Variants in SDHD observed in about 807,000 individuals in gnomAD.
The protein encoded by SDHD is succinate dehydrogenase [ubiquinone] cytochrome b small subunit, mitochondrial.
A neutral mutation model predicts 18.7 loss-of-function variants in SDHD; 6 were observed. The ratio of observed to expected loss-of-function variants is 0.32; its 90% CI spans 0.18 to 0.63. The LOEUF is 0.63. Ranked by LOEUF, SDHD falls within the 30% of genes least tolerant of loss-of-function variation. The pLI is 0.79. For missense variants in SDHD, 160 were observed against 192.7 expected (o/e 0.83, Z 1.00); for synonymous variants, 56 against 73.9 (o/e 0.76, Z 1.24).
intron 3 of SDHD, among the ~76,000 whole-genome samples, chr11:112,091,839 C>T (rs1206413391): frequency 3.3e-5 from 5 of 152,150 alleles, no homozygotes; most frequent in East Asian, 1.9e-4. Flanking sequence ...GAGGCCGAGG[C>T]GGGCGGATCA....
intron 1 of SDHD, among the ~76,000 whole-genome samples, chr11:112,087,436 A>G (rs1192734934): frequency 6.6e-6 from 1 of 152,212 alleles, no homozygotes; most frequent in Admixed American, 6.5e-5. Context: ...AAGAAAACGT[A>G]GTTCCCGCCC....
intron 3 of SDHD, 91 bp from the exon 4 acceptor site, chr11:112,094,714 C>G: frequency 8.5e-7 from 1 of 1,178,908 alleles, no homozygotes; most frequent in Non-Finnish European, 1.2e-6. Flanking sequence ...TTGAACTTGA[C>G]AGATTGTTTT....
At chr11:112,092,751 G>A (rs79680148) in intron 3 of SDHD, among the ~76,000 whole-genome samples, 3,952 of 152,216 alleles carry the variant, frequency 0.026, 175 homozygotes, top group African/African-American at 0.09. Flanking sequence ...ATCTGACTCG[G>A]CGATCTACTT....
Position 112,089,137 on chromosome 11 carries a change from T to C in SDHD, c.314+126T>C, listed in dbSNP as rs1865697858. Reference sequence around the variant, plus strand: ...AATTTGTTGAAAACTTTAAAATATATATAAAATATGTATATGCCTAGATTT... The same window carrying C: ...AATTTGTTGAAAACTTTAAAATATACATAAAATATGTATATGCCTAGATTT... On this transcript the variant is annotated intron_variant, in intron 3 of 3. Transcript: ENST00000375549. The C allele has an allele frequency of 3.7e-5, 34 of 913,188 alleles. No individual in the cohort carries two copies. In the South Asian group the frequency reaches 4.6e-4, roughly 12 times the overall value. 56.6% of individuals were successfully genotyped at this position (913,188 alleles called of 1,614,324 possible).
At chr11:112,093,100 T>C (rs759291000) in intron 3 of SDHD, 2 of 353,754 alleles carry the variant, frequency 5.7e-6, no homozygotes, top group Non-Finnish European at 1.1e-5. Context: ...AATGGTGCGA[T>C]CTTGGCTCGG....
chr11:112,093,342 A>G (rs542340873), intron 3 of SDHD: 11 of 191,336 alleles, frequency 5.7e-5, no homozygotes, highest in South Asian at 3.8e-4. Flanking sequence ...CTGGGATTAC[A>G]GGTGTGAGCC....
rs764099538 is a variant in SDHD, at chr11:112,094,934, C to A, written c.444C>A (p.Gly148=). The stretch of plus-strand genomic sequence containing the variant: ...GCTATTTCAACTATCACGATGTGGG[C>A]ATCTGCAAAGCTGTTGCCATGCTGT... ...GLCYFNYHDV[G]ICKAVAMLWK... is the part of the protein sequence containing the mutation. Residue 148 remains glycine (G), a synonymous_variant, in exon 4 of 4, where the codon GGC becomes GGA. Coordinates refer to ENST00000375549, the MANE Select transcript of SDHD (RefSeq NM_003002.4). 3.7e-6 allele frequency: 6 copies of A among 1,611,258 alleles called. No homozygotes were observed. Among genetic ancestry groups the A allele is most frequent in the Non-Finnish European group, 5.1e-6 (6 of 1,179,132 alleles).
chr11:112,091,229 T>A, intron 3 of SDHD: 2 of 339,710 alleles, frequency 5.9e-6, no homozygotes, highest in Non-Finnish European at 8.3e-6. Flanking sequence ...CCTGTATTAA[T>A]TGGGGTCTTA....
chr11:112,095,529 A>C lies in SDHD; in HGVS notation c.*559A>C. The C allele has an allele frequency of 4.3e-6, 1 of 235,220 alleles. No individual in the cohort carries two copies. The allele number at this position is 235,220 out of a possible 1,614,324, so 14.6% of individuals were successfully genotyped here. A position where few individuals can be genotyped will look rare whatever the true frequency, so the allele number is the denominator to read the frequency against. ...TATAAATTTCTAAATCCTAGGAAGA[A>C]ACGCTTGGAGTGCTTCTGAATATAC... On this transcript the variant is annotated 3_prime_UTR_variant, in exon 4 of 4. Coordinates refer to ENST00000375549, the MANE Select transcript of SDHD (RefSeq NM_003002.4).
intron 2 of SDHD, chr11:112,088,508 G>T (rs1265679754): frequency 5.5e-6 from 2 of 362,266 alleles, no homozygotes; most frequent in South Asian, 2.2e-5. Flanking sequence ...GAGCCACCAC[G>T]CCTGGACCAC....
At chr11:112,091,793 A>C (rs1327699353) in intron 3 of SDHD, among the ~76,000 whole-genome samples, 1 of 152,168 alleles carries the variant, frequency 6.6e-6, no homozygotes, top group Non-Finnish European at 1.5e-5. Context: ...TGAATCGGCC[A>C]GGCGTGGTCT....
At chr11:112,091,449 G>A (rs1865744540) in intron 3 of SDHD, among the ~76,000 whole-genome samples, 1 of 152,072 alleles carries the variant, frequency 6.6e-6, no homozygotes, top group South Asian at 2.1e-4. Flanking sequence ...GTCTGACCTC[G>A]AGATGACAAA....
chr11:112,091,229 T>C (rs1297052214), intron 3 of SDHD: 2 of 339,592 alleles, frequency 5.9e-6, no homozygotes, highest in Non-Finnish European at 8.3e-6. Flanking sequence ...CCTGTATTAA[T>C]TGGGGTCTTA....
intron 1 of SDHD, 68 bp downstream of exon 1, chr11:112,087,027 A>C: frequency 6.4e-7 from 1 of 1,560,940 alleles, no homozygotes; most frequent in Non-Finnish European, 8.8e-7. Flanking sequence ...GGAAGTGAGG[A>C]CTCATCTGCC....
chr11:112,090,709 T>A (rs1865729846), intron 3 of SDHD, among the ~76,000 whole-genome samples: 1 of 152,086 alleles, frequency 6.6e-6, no homozygotes, highest in African/African-American at 2.4e-5. Flanking sequence ...TTTTTTCTTT[T>A]TTTTTTGGGA....
chr11:112,090,145 T>C (rs1865717005), intron 3 of SDHD, among the ~76,000 whole-genome samples: 2 of 152,200 alleles, frequency 1.3e-5, no homozygotes, highest in African/African-American at 2.4e-5. Context: ...TCTCGCTCTG[T>C]TGCCCAGGCT....
intron 3 of SDHD, among the ~76,000 whole-genome samples, chr11:112,090,788 T>A (rs1770409269): frequency 6.6e-6 from 1 of 151,666 alleles, no homozygotes; most frequent in Non-Finnish European, 1.5e-5. Context: ...CTCTGCCTCC[T>A]GGGTTCAAGC....
chr11:112,088,232 C>T, intron 2 of SDHD: 1 of 456,612 alleles, frequency 2.2e-6, no homozygotes, highest in Admixed American at 3.4e-5. Flanking sequence ...CAGAGTCTCG[C>T]TCTGTTATGC....
At chr11:112,092,560 C>T (rs899894780) in intron 3 of SDHD, among the ~76,000 whole-genome samples, 3 of 152,164 alleles carry the variant, frequency 2.0e-5, no homozygotes, top group African/African-American at 7.2e-5. Context: ...AAATCAACAC[C>T]ACAATGAGAT....
Sources: gnomAD v4.1 joint callset for allele counts (sites outside exome capture counted in the v4.1 genomes callset) on GRCh38, gnomAD v4.1.1 for gene constraint, MANE v1.5 for transcripts, NCBI Gene and HGNC (gene_info 2026-07-23, HGNC 2026-07-21) for gene names.